Variants in PRIM2 observed in about 807,000 individuals in gnomAD.
PRIM2 encodes DNA primase subunit 2, also known as DNA primase large subunit.
PRIM2 carries 39 observed loss-of-function variants against 67.3 expected under a neutral mutation model. The observed-to-expected ratio is 0.58, with a 90% confidence interval of 0.45 to 0.76. The LOEUF (loss-of-function observed/expected upper bound fraction) is 0.76, where lower values mean the gene tolerates loss of function less well. PRIM2 is among the 30% of genes least tolerant of loss of function. PRIM2 has a pLI of 0.00. For missense variants in PRIM2, 398 were observed against 598.7 expected, an observed-to-expected ratio of 0.66 and a Z score of 3.50; for synonymous variants, 143 against 198.7, an observed-to-expected ratio of 0.72 and a Z score of 2.36.
At chr6:57,355,319 TAAGTA>T (rs1768997151) in intron 5 of PRIM2, among the ~76,000 whole-genome samples, 1 of 102,536 alleles carries the variant, frequency 9.8e-6, no homozygotes, top group Non-Finnish European at 2.1e-5. Flanking sequence ...AAAAAAAAAA[TAAGTA>T]AATAAAAAAG....
At chr6:57,429,900 A>G (rs1771761332) in intron 7 of PRIM2, among the ~76,000 whole-genome samples, 4 of 152,202 alleles carry the variant, frequency 2.6e-5, no homozygotes, top group Admixed American at 6.5e-5. Flanking sequence ...CACGGCTTCA[A>G]TTTGCAATTC....
chr6:57,492,064 A>T (rs1173681353), intron 7 of PRIM2, among the ~76,000 whole-genome samples: 1 of 152,172 alleles, frequency 6.6e-6, no homozygotes, highest in Non-Finnish European at 1.5e-5. Context: ...TGCACAAAAC[A>T]TCTGGTGTAA....
At chr6:57,574,994 T>C (rs2127482795) in intron 10 of PRIM2, among the ~76,000 whole-genome samples, 1 of 152,306 alleles carries the variant, frequency 6.6e-6, no homozygotes, top group South Asian at 2.1e-4. Context: ...AAATCCCTGT[T>C]TTCCTGGAGT....
intron 7 of PRIM2, among the ~76,000 whole-genome samples, chr6:57,411,706 A>G (rs1417635346): frequency 1.3e-5 from 2 of 152,174 alleles, no homozygotes; most frequent in Non-Finnish European, 2.9e-5. Flanking sequence ...GTCAAGGTAT[A>G]TTACCTTTTT....
intron 12 of PRIM2, among the ~76,000 whole-genome samples, chr6:57,622,636 G>T (rs1237102479): frequency 6.6e-6 from 1 of 152,090 alleles, no homozygotes; most frequent in African/African-American, 2.4e-5. Context: ...AAGGAAATGT[G>T]TTTTAGAATT....
At chr6:57,555,820 A>G (rs1452910760) in intron 10 of PRIM2, among the ~76,000 whole-genome samples, 1 of 152,194 alleles carries the variant, frequency 6.6e-6, no homozygotes, top group African/African-American at 2.4e-5. Context: ...TATTGAAAGG[A>G]ACAGAGAACT....
At chr6:57,476,459 A>C (rs1384914577) in intron 7 of PRIM2, among the ~76,000 whole-genome samples, 1 of 152,212 alleles carries the variant, frequency 6.6e-6, no homozygotes, top group African/African-American at 2.4e-5. Flanking sequence ...CAGTTCCACA[A>C]GAGAAATTCA....
At chr6:57,529,300 C>T (rs1369345196) in intron 8 of PRIM2, among the ~76,000 whole-genome samples, 8 of 150,800 alleles carry the variant, frequency 5.3e-5, no homozygotes, top group African/African-American at 9.8e-5. Context: ...ACAGACAGAG[C>T]GAGACTCCGT....
At chr6:57,540,109 T>C (rs1239053040) in intron 10 of PRIM2, among the ~76,000 whole-genome samples, 1 of 152,226 alleles carries the variant, frequency 6.6e-6, no homozygotes, top group African/African-American at 2.4e-5. Flanking sequence ...AGAATTTTGC[T>C]CTGCCATTGA....
chr6:57,279,519 G>T, the PRIM2 span, among the ~76,000 whole-genome samples: 1 of 152,132 alleles, frequency 6.6e-6, no homozygotes, highest in Non-Finnish European at 1.5e-5. Context: ...CCTACCCCAG[G>T]CAGGCTCCAG....
intron 12 of PRIM2, among the ~76,000 whole-genome samples, chr6:57,621,775 G>A (rs1270330333): frequency 4.6e-5 from 7 of 152,040 alleles, no homozygotes; most frequent in Non-Finnish European, 7.4e-5. Flanking sequence ...ACCTTAGCTC[G>A]TGTTCATTCT....
chr6:57,452,550 T>C (rs1371634967), intron 7 of PRIM2, among the ~76,000 whole-genome samples: 1 of 152,254 alleles, frequency 6.6e-6, no homozygotes, highest in Admixed American at 6.5e-5. Context: ...ATGAGCGTTT[T>C]TTCATGTGTC....
chr6:57,581,068 T>C (rs1367976144), intron 10 of PRIM2, among the ~76,000 whole-genome samples: 4 of 152,104 alleles, frequency 2.6e-5, no homozygotes, highest in Non-Finnish European at 5.9e-5. Flanking sequence ...CCTCAAAACA[T>C]TTTTAAAAAT....
chr6:57,421,665 A>C (rs541632927), intron 7 of PRIM2, among the ~76,000 whole-genome samples: 1 of 152,318 alleles, frequency 6.6e-6, no homozygotes, highest in Non-Finnish European at 1.5e-5. Context: ...AGCTATTTGC[A>C]TGCTGTCTTT....
At chr6:57,278,250 A>G in the PRIM2 span, among the ~76,000 whole-genome samples, 5 of 150,430 alleles carry the variant, frequency 3.3e-5, no homozygotes, top group Admixed American at 6.6e-5. Flanking sequence ...TCACTTGAAC[A>G]TGGGAGGTGG....
chr6:57,340,112 T>C (rs1768417736), intron 5 of PRIM2, among the ~76,000 whole-genome samples: 5 of 152,148 alleles, frequency 3.3e-5, no homozygotes, highest in Admixed American at 3.3e-4. Flanking sequence ...AAAATGCTCA[T>C]GATCACTGGC....
chr6:57,246,189 A>G, the PRIM2 span, among the ~76,000 whole-genome samples: 12 of 152,342 alleles, frequency 7.9e-5, no homozygotes, highest in African/African-American at 2.4e-4. Flanking sequence ...AACCTGTGTT[A>G]CTTGTTCTGC....
At chr6:57,496,663 A>G (rs1383314403) in intron 7 of PRIM2, among the ~76,000 whole-genome samples, 3 of 152,220 alleles carry the variant, frequency 2.0e-5, no homozygotes, top group Non-Finnish European at 2.9e-5. Flanking sequence ...TGACAAACGT[A>G]TGTTTAGGTA....
chr6:57,530,904 T>A (rs1416323835), intron 8 of PRIM2, among the ~76,000 whole-genome samples: 1 of 152,092 alleles, frequency 6.6e-6, no homozygotes, highest in Non-Finnish European at 1.5e-5. Flanking sequence ...GGTTTTGTCA[T>A]GTTGCTTAGG....
Sources: gnomAD v4.1 joint callset for allele counts (sites outside exome capture counted in the v4.1 genomes callset) on GRCh38, gnomAD v4.1.1 for gene constraint, MANE v1.5 for transcripts, NCBI Gene and HGNC (gene_info 2026-07-23, HGNC 2026-07-21) for gene names.